CCDC171: variants seen among roughly 807,000 people sequenced by gnomAD.
The protein encoded by CCDC171 is coiled-coil domain containing 171.
CCDC171 carries 177 observed loss-of-function variants against 168.2 expected under a neutral mutation model. The ratio of observed to expected loss-of-function variants is 1.05; its 90% CI spans 0.93 to 1.19. The LOEUF (loss-of-function observed/expected upper bound fraction) is 1.19. CCDC171 is among the 50% of genes most tolerant of loss of function. The probability of loss-of-function intolerance (pLI) is 0.00; values close to 1 mark genes in which losing one functional copy is unlikely to be tolerated. For missense variants in CCDC171, 1,991 were observed against 1,539.0 expected (o/e 1.29, Z -4.91); for synonymous variants, 687 against 540.8 (o/e 1.27, Z -3.75).
At chr9:15,651,598 C>T (rs559988155) in intron 7 of CCDC171, among the ~76,000 whole-genome samples, 6 of 152,144 alleles carry the variant, frequency 3.9e-5, no homozygotes, top group Admixed American at 2.0e-4. Flanking sequence ...TGAGAACGTG[C>T]GATATTTGTC....
At chr9:15,884,161 T>G (rs1251487324) in intron 24 of CCDC171, among the ~76,000 whole-genome samples, 1 of 152,172 alleles carries the variant, frequency 6.6e-6, no homozygotes, top group East Asian at 1.9e-4. Context: ...TATCCTAGAA[T>G]CACTATTTTC....
intron 6 of CCDC171, among the ~76,000 whole-genome samples, chr9:15,599,919 C>G (rs908340694): frequency 1.3e-5 from 2 of 152,182 alleles, no homozygotes; most frequent in Non-Finnish European, 2.9e-5. Context: ...CACTGATACC[C>G]TTTCTTCCAG....
intron 23 of CCDC171, among the ~76,000 whole-genome samples, chr9:15,872,918 A>G (rs1817365980): frequency 6.6e-6 from 1 of 152,032 alleles, no homozygotes; most frequent in Non-Finnish European, 1.5e-5. Context: ...GTAAAATACG[A>G]TTTGTTTTGT....
intron 18 of CCDC171, among the ~76,000 whole-genome samples, chr9:15,753,413 T>C (rs4740624): frequency 0.37 from 55,466 of 151,910 alleles, 12,608 homozygotes; most frequent in East Asian, 0.65. Flanking sequence ...GGCCTATAGA[T>C]AGTGATTAAT....
intron 23 of CCDC171, among the ~76,000 whole-genome samples, chr9:15,849,591 C>T (rs983910510): frequency 6.6e-6 from 1 of 151,486 alleles, no homozygotes; most frequent in African/African-American, 2.4e-5. Flanking sequence ...GTTAGCACTC[C>T]ACTCTGCATT....
intron 21 of CCDC171, among the ~76,000 whole-genome samples, chr9:15,844,788 C>G (rs1285531972): frequency 6.6e-6 from 1 of 152,046 alleles, no homozygotes; most frequent in African/African-American, 2.4e-5. Flanking sequence ...TGAGGTATAT[C>G]TTCTTTGAAA....
chr9:15,721,747 T>G, intron 11 of CCDC171, 22 bp from the exon 12 acceptor site: 2 of 1,421,622 alleles, frequency 1.4e-6, no homozygotes, highest in Non-Finnish European at 1.9e-6. Context: ...AGGGTATATT[T>G]TCATCCTATA....
chr9:15,649,930 C>T (rs1464989027), intron 7 of CCDC171, among the ~76,000 whole-genome samples: 2 of 152,152 alleles, frequency 1.3e-5, no homozygotes, highest in African/African-American at 2.4e-5. Flanking sequence ...AATCATGCTG[C>T]TATAAAGACA....
chr9:16,014,916 G>T (rs1008308281), intron 3 of CCDC171, among the ~76,000 whole-genome samples: 5 of 151,964 alleles, frequency 3.3e-5, no homozygotes, highest in Admixed American at 1.3e-4. Flanking sequence ...AATGAGTATT[G>T]GCTTCAAGTT....
chr9:16,104,791 G>T, the CCDC171 span, among the ~76,000 whole-genome samples: 1 of 150,690 alleles, frequency 6.6e-6, no homozygotes, highest in Non-Finnish European at 1.5e-5. Flanking sequence ...GCCAGGCATT[G>T]GGCTAGGCAC....
intron 2 of CCDC171, among the ~76,000 whole-genome samples, chr9:15,568,556 C>T (rs1300205243): frequency 6.6e-6 from 1 of 152,210 alleles, no homozygotes; most frequent in Admixed American, 6.5e-5. Flanking sequence ...AGGCGTGAGC[C>T]ACCGCACCCA....
At chr9:15,700,772 C>G (rs954677421) in intron 11 of CCDC171, among the ~76,000 whole-genome samples, 1 of 152,062 alleles carries the variant, frequency 6.6e-6, no homozygotes, top group African/African-American at 2.4e-5. Context: ...AGGTGCATGC[C>G]ACCATGCCTG....
intron 24 of CCDC171, among the ~76,000 whole-genome samples, chr9:15,902,884 T>C (rs1469096962): frequency 6.6e-6 from 1 of 152,190 alleles, no homozygotes; most frequent in African/African-American, 2.4e-5. Context: ...CAGGAGATTA[T>C]ATCCTGTGCC....
chr9:15,729,758 A>G lies in CCDC171; in HGVS notation c.2009A>G (p.Gln670Arg), dbSNP rs760440081. 1.9e-6 allele frequency: 3 copies of G among 1,612,944 alleles called. No individual in the cohort carries two copies. Among genetic ancestry groups the G allele is most frequent in the African/African-American group, 1.3e-5 (1 of 74,892 alleles). ...AGACAAAAGAAGGAACTAGAGCTGC[A>G]GTATTCTGAACTCTTCCTGGAGGTG... ...WHRQKKELEL[Q>R]YSELFLEVQK... The change falls in exon 16 of 26, where the codon CAG (glutamine) becomes CGG (arginine). Residue 670 changes from glutamine (Q) to arginine (R), a missense_variant. Gln to Arg is a conservative substitution (Grantham distance 43, BLOSUM62 1). Transcript: ENST00000380701.
chr9:15,626,382 G>C (rs2045107535), intron 7 of CCDC171, among the ~76,000 whole-genome samples: 1 of 152,146 alleles, frequency 6.6e-6, no homozygotes, highest in Non-Finnish European at 1.5e-5. Flanking sequence ...GGGCATCCCT[G>C]TCTTGGGCCA....
intron 10 of CCDC171, among the ~76,000 whole-genome samples, chr9:15,689,651 C>T (rs2050648274): frequency 6.6e-6 from 1 of 152,108 alleles, no homozygotes; most frequent in South Asian, 2.1e-4. Flanking sequence ...CCAGAGGTTG[C>T]AGTGAGCCAA....
chr9:16,085,433 A>G, the CCDC171 span, among the ~76,000 whole-genome samples: 1 of 152,182 alleles, frequency 6.6e-6, no homozygotes, highest in African/African-American at 2.4e-5. Context: ...TAATTTCAAG[A>G]GTCTGTAGGA....
Position 15,816,171 on chromosome 9 carries a change from T to C in CCDC171, c.3268-30531T>C, listed in dbSNP as rs950769614. The stretch of plus-strand genomic sequence containing the variant: ...TTAAAAACGTTTTTTCATGTTCAAA[T>C]TTGTCCTCAATGAGTCATAATTTGA... On this transcript the variant is annotated intron_variant, in intron 21 of 25. Coordinates refer to ENST00000380701, the MANE Select transcript of CCDC171 (RefSeq NM_173550.4). Among the ~76,000 whole-genome samples the C allele has an allele frequency of 6.7e-4, 79 of 118,272 alleles. 27 individuals carry two copies. The highest frequency in any genetic ancestry group is 1.5e-3 in the Non-Finnish European group (77 of 52,424). 77.6% of individuals were successfully genotyped at this position (118,272 alleles called of 152,430 possible).
chr9:15,648,417 GAAAT>G (rs2047221783), intron 7 of CCDC171, among the ~76,000 whole-genome samples: 2 of 152,154 alleles, frequency 1.3e-5, no homozygotes, highest in South Asian at 4.1e-4. Flanking sequence ...GCAGGAGAAA[GAAAT>G]AAAGGGTATT....
Sources: allele counts gnomAD v4.1 joint callset (sites outside exome capture counted in the v4.1 genomes callset), GRCh38; gene constraint gnomAD v4.1.1; transcripts MANE v1.5; gene names NCBI Gene and HGNC (gene_info 2026-07-23, HGNC 2026-07-21).